Variants in PARP15 observed in about 807,000 individuals in gnomAD.
PARP15 encodes protein mono-ADP-ribosyltransferase PARP15.
Under a neutral mutation model 62.1 loss-of-function variants are expected in PARP15, and 50 were observed. The ratio of observed to expected loss-of-function variants is 0.81; its 90% CI spans 0.64 to 1.02. The LOEUF is 1.02. Ranked by LOEUF, PARP15 falls within the 50% of genes least tolerant of loss-of-function variation. The probability of loss-of-function intolerance (pLI) is 0.00; values close to 1 mark genes in which losing one functional copy is unlikely to be tolerated. For synonymous variants in PARP15, 309 were observed against 293.1 expected (o/e 1.05, Z -0.55); for missense variants, 820 against 826.5 (o/e 0.99, Z 0.10).
At position 122,577,865 on chromosome 3, in the gene PARP15, G is replaced by A. The variant is rs774508265; in HGVS notation, c.186+12G>A. On this transcript the variant is annotated intron_variant, in intron 1 of 11. Transcript: ENST00000464300. ...CCTCCCGGAGTATGGTGAGGAGCGC[G>A]GGGGACGGGTGCGGGAAGGGGACAG... 40 of 1,536,312 alleles carry A rather than the reference G, an allele frequency of 2.6e-5. No homozygotes were observed. The highest frequency in any genetic ancestry group is 3.3e-5 in the Non-Finnish European group (38 of 1,138,404).
intron 1 of PARP15, among the ~76,000 whole-genome samples, chr3:122,580,863 T>G (rs951661505): frequency 1.7e-4 from 26 of 152,200 alleles, no homozygotes; most frequent in African/African-American, 5.8e-4. Context: ...CATAATGAAG[T>G]TCAGTCAGTG....
At chr3:122,620,690 G>C (rs773761330) in intron 7 of PARP15, among the ~76,000 whole-genome samples, 2 of 150,276 alleles carry the variant, frequency 1.3e-5, no homozygotes, top group Admixed American at 1.3e-4. Flanking sequence ...ATGAAGGTGG[G>C]CTGGACAAGC....
chr3:122,627,711 C>T (rs1397840566), intron 9 of PARP15, among the ~76,000 whole-genome samples: 2 of 152,224 alleles, frequency 1.3e-5, no homozygotes, highest in African/African-American at 4.8e-5. Flanking sequence ...AGTGATAAGG[C>T]ACATATGCCA....
At chr3:122,616,979 G>A in intron 5 of PARP15, 36 bp from the exon 6 acceptor site, 1 of 1,605,326 alleles carries the variant, frequency 6.2e-7, no homozygotes, top group South Asian at 1.1e-5. Flanking sequence ...CAGAAGCTGA[G>A]CCAGCCCATT....
At chr3:122,589,331 A>T (rs1434042044) in intron 1 of PARP15, among the ~76,000 whole-genome samples, 1 of 152,220 alleles carries the variant, frequency 6.6e-6, no homozygotes, top group African/African-American at 2.4e-5. Flanking sequence ...ATACAATCAC[A>T]TTGAGAATTA....
At chr3:122,592,363 C>T (rs1269482859) in intron 1 of PARP15, among the ~76,000 whole-genome samples, 1 of 152,138 alleles carries the variant, frequency 6.6e-6, no homozygotes, top group African/African-American at 2.4e-5. Context: ...ACCACATGTT[C>T]TCACTTATAA....
At position 122,626,196 on chromosome 3, in the gene PARP15, C is replaced by CTTT. The variant is rs34106420; in HGVS notation, c.1232-613_1232-611dup. ...GATTGGTAATGCAGCAGCTGTCACT[C>CTTT]TTTTTTTTTTTTTTTTTTTTGAGAC... On this transcript the variant is annotated intron_variant, in intron 8 of 11. Transcript: ENST00000464300. 3.4e-3 allele frequency among the ~76,000 whole-genome samples: 416 copies of CTTT among 122,086 alleles called. 12 individuals carry two copies. Among genetic ancestry groups the CTTT allele is most frequent in the African/African-American group, 0.012 (391 of 31,708 alleles). The allele number at this position is 122,086 out of a possible 152,430, so 80.1% of individuals were successfully genotyped here. A position where few individuals can be genotyped will look rare whatever the true frequency, so the allele number is the denominator to read the frequency against.
chr3:122,595,882 T>A (rs1433491229), intron 1 of PARP15, among the ~76,000 whole-genome samples: 1 of 152,012 alleles, frequency 6.6e-6, no homozygotes, highest in Non-Finnish European at 1.5e-5. Flanking sequence ...TTCCTCCAGT[T>A]CTTAATGTGG....
chr3:122,636,659 G>T lies in PARP15; in HGVS notation c.*559G>T, dbSNP rs890917020. On this transcript the variant is annotated 3_prime_UTR_variant, in exon 12 of 12. Coordinates refer to ENST00000464300, the MANE Select transcript of PARP15 (RefSeq NM_001113523.3). ...ATTTCAGGTAAAAATGTATCGCATT[G>T]TTATCTAATATTAAAAAATTACCCC... 5.9e-5 allele frequency: 9 copies of T among 153,162 alleles called. No homozygotes were observed. Among genetic ancestry groups the T allele is most frequent in the African/African-American group, 2.2e-4 (9 of 41,420 alleles). The allele number at this position is 153,162 out of a possible 1,614,324, so 9.5% of individuals were successfully genotyped here.
intron 1 of PARP15, among the ~76,000 whole-genome samples, chr3:122,592,072 T>A (rs7641544): frequency 6.6e-6 from 1 of 152,072 alleles, no homozygotes; most frequent in Non-Finnish European, 1.5e-5. Context: ...CCATTTGACC[T>A]GGCAATCCCA....
At position 122,627,008 on chromosome 3, in the gene PARP15, T is replaced by G. The variant is rs1199363728; in HGVS notation, c.1413T>G (p.Phe471Leu). Residue 471 changes from phenylalanine to leucine, a missense_variant, in exon 9 of 12, where the codon TTT (phenylalanine) becomes TTG (leucine). Physicochemically the swap from Phe to Leu is conservative, Grantham distance 22. This residue lies in a region of PARP15 where 731 missense variants were observed against 727.7 expected (regional missense o/e 1.00). Coordinates refer to ENST00000464300, the MANE Select transcript of PARP15 (RefSeq NM_001113523.3). The part of the protein sequence containing the change: ...KKRDLSASLN[F>L]QSTFSMTTCN... ...GAGACCTCTCTGCATCACTGAACTT[T>G]CAGTCCACATTCTCCATGACTACAT... is the stretch of plus-strand genomic sequence containing the variant. 2 of 1,613,068 alleles carry G rather than the reference T, an allele frequency of 1.2e-6. No homozygotes were observed. The highest frequency in any genetic ancestry group is 4.5e-5 in the East Asian group (2 of 44,874).
At chr3:122,596,825 A>T (rs1372277472) in intron 1 of PARP15, among the ~76,000 whole-genome samples, 1 of 152,212 alleles carries the variant, frequency 6.6e-6, no homozygotes, top group Non-Finnish European at 1.5e-5. Flanking sequence ...TATCCCTGAA[A>T]CTATAAGTGG....
intron 4 of PARP15, 27 bp from the exon 5 acceptor site, chr3:122,615,752 G>A (rs760218523): frequency 6.8e-6 from 11 of 1,607,636 alleles, no homozygotes; most frequent in Non-Finnish European, 9.4e-6. Flanking sequence ...CAATATTGTT[G>A]TAGTCAGTAA....
intron 6 of PARP15, among the ~76,000 whole-genome samples, chr3:122,618,877 G>A (rs182955757): frequency 1.5e-4 from 23 of 152,268 alleles, no homozygotes; most frequent in Non-Finnish European, 2.8e-4. Flanking sequence ...TTCTTGCATA[G>A]AGCTTCTAAG....
chr3:122,623,827 A>G (rs572997219), intron 8 of PARP15, among the ~76,000 whole-genome samples: 1 of 152,290 alleles, frequency 6.6e-6, no homozygotes, highest in Non-Finnish European at 1.5e-5. Context: ...TCTCTTCCCC[A>G]TTGATTTCAA....
At chr3:122,626,449 C>T (rs1403915425) in intron 8 of PARP15, among the ~76,000 whole-genome samples, 3 of 152,134 alleles carry the variant, frequency 2.0e-5, no homozygotes, top group Non-Finnish European at 4.4e-5. Flanking sequence ...CCACCCACCT[C>T]AGCCTCTCAA....
At chr3:122,614,237 T>C (rs1317976793) in intron 4 of PARP15, among the ~76,000 whole-genome samples, 1 of 152,210 alleles carries the variant, frequency 6.6e-6, no homozygotes, top group Non-Finnish European at 1.5e-5. Context: ...TTTTGCATGA[T>C]ATCTAGCACA....
chr3:122,582,098 C>T (rs1473851458), intron 1 of PARP15, among the ~76,000 whole-genome samples: 1 of 152,082 alleles, frequency 6.6e-6, no homozygotes, highest in Non-Finnish European at 1.5e-5. Flanking sequence ...TCTTATAGCA[C>T]TGGTCTACTG....
intron 1 of PARP15, among the ~76,000 whole-genome samples, chr3:122,592,452 G>A (rs1297986003): frequency 6.6e-6 from 1 of 152,064 alleles, no homozygotes; most frequent in African/African-American, 2.4e-5. Context: ...AGTGAGGTGG[G>A]GGAAGGGAGA....
Sources: gnomAD v4.1 joint callset for allele counts (sites outside exome capture counted in the v4.1 genomes callset) on GRCh38, gnomAD v4.1.1 for gene constraint, gnomAD v4.1.1 regional missense constraint, MANE v1.5 for transcripts, NCBI Gene and HGNC (gene_info 2026-07-23, HGNC 2026-07-21) for gene names.